The following ARHGAP11B variants were observed in gnomAD, a reference collection of about 807,000 sequenced individuals.
ARHGAP11B encodes Rho GTPase activating protein 11B.
A neutral mutation model predicts 27.6 loss-of-function variants in ARHGAP11B; 14 were observed. The ratio of observed to expected loss-of-function variants is 0.51; its 90% CI spans 0.34 to 0.79. The LOEUF is 0.79. Among genes scored for constraint, ARHGAP11B ranks in the 30% least tolerant of loss-of-function variants. The probability of loss-of-function intolerance (pLI) is 0.02; values close to 1 mark genes in which losing one functional copy is unlikely to be tolerated. For synonymous variants in ARHGAP11B, 82 were observed against 114.1 expected (o/e 0.72, Z 1.80); for missense variants, 245 against 320.1 (o/e 0.77, Z 1.79).
At chr15:30,648,571 A>G (rs1595682556) in exon 11 of ARHGAP11B, among the ~76,000 whole-genome samples, 1 of 152,046 alleles carries the variant, frequency 6.6e-6, no homozygotes, top group Non-Finnish European at 1.5e-5. Flanking sequence ...ACTACTTCAT[A>G]GATTTTTGTA....
exon 6 of ARHGAP11B, chr15:30,635,627 G>A: frequency 6.2e-7 from 1 of 1,613,498 alleles, no homozygotes; most frequent in Non-Finnish European, 8.5e-7. Flanking sequence ...AAGACAACGT[G>A]TAGGAGGTAA....
chr15:30,638,858 T>G (rs1222710982), intron 7 of ARHGAP11B, 48 bp downstream of exon 7: 2 of 1,082,358 alleles, frequency 1.8e-6, no homozygotes, highest in African/African-American at 1.7e-5. Context: ...AAATTAAAAT[T>G]TGTATAGTAT....
intron 1 of ARHGAP11B, among the ~76,000 whole-genome samples, chr15:30,629,264 G>C (rs182080290): frequency 1.4e-4 from 21 of 152,124 alleles, no homozygotes; most frequent in Admixed American, 1.3e-3. Context: ...TGGCATTTTT[G>C]TGGGTGCGAT....
exon 2 of ARHGAP11B, chr15:30,630,766 A>G: frequency 6.2e-7 from 1 of 1,610,354 alleles, no homozygotes; most frequent in Non-Finnish European, 8.5e-7. Flanking sequence ...ATATGGACAC[A>G]TTCCAAGGTA....
chr15:30,626,971 T>G, intron 1 of ARHGAP11B, 22 bp downstream of exon 1: 1 of 1,611,420 alleles, frequency 6.2e-7, no homozygotes. Context: ...GAAAAGGGAT[T>G]TAGGTTTAAA....
intron 7 of ARHGAP11B, among the ~76,000 whole-genome samples, chr15:30,641,262 A>C: frequency 6.6e-6 from 1 of 152,060 alleles, no homozygotes; most frequent in African/African-American, 2.4e-5. Flanking sequence ...TTAGATTATA[A>C]AAAATATGAT....
At chr15:30,633,349 A>C (rs1381407056) in intron 2 of ARHGAP11B, 141 bp from the exon 3 acceptor site, 1 of 637,388 alleles carries the variant, frequency 1.6e-6, no homozygotes, top group Non-Finnish European at 2.4e-6. Context: ...AACTAAAAGT[A>C]ACATTTCATC....
intron 1 of ARHGAP11B, 143 bp from the exon 2 acceptor site, chr15:30,630,560 A>G: frequency 2.1e-6 from 3 of 1,461,672 alleles, no homozygotes; most frequent in South Asian, 1.3e-5. Context: ...TGCACTTGAA[A>G]TGATTATTTT....
At chr15:30,642,036 T>A (rs2060319040) in intron 7 of ARHGAP11B, among the ~76,000 whole-genome samples, 1 of 152,056 alleles carries the variant, frequency 6.6e-6, no homozygotes. Flanking sequence ...TTAAAGTGAC[T>A]AGACTGCAGC....
intron 7 of ARHGAP11B, chr15:30,641,501 A>C (rs988012858): frequency 1.3e-5 from 2 of 151,734 alleles, no homozygotes; most frequent in Admixed American, 6.6e-5. Context: ...ACACCTGGCT[A>C]ATTTTCTTTT....
intron 2 of ARHGAP11B, among the ~76,000 whole-genome samples, chr15:30,631,583 T>C (rs2060245739): frequency 6.6e-6 from 1 of 151,938 alleles, no homozygotes; most frequent in Non-Finnish European, 1.5e-5. Flanking sequence ...CAGATGATTG[T>C]TTGACCCTAG....
rs144193684 is a variant in ARHGAP11B at position 30,633,442 on chromosome 15, T to C, written c.201-48T>C. The C allele has an allele frequency of 3.9e-4, 595 of 1,520,326 alleles. 4 individuals are homozygous for C. The African/African-American group carries it at 7.0e-3, about 18-fold the overall frequency. 94.2% of individuals were successfully genotyped at this position (1,520,326 alleles called of 1,614,324 possible). On this transcript the variant is annotated intron_variant, in intron 2 of 10. Coordinates refer to ENST00000428041, the Ensembl canonical transcript of ARHGAP11B. ...CTGCTCATGTATGTTAGCAGAGGAATAGGATGTGATATGTATGTCTAGCCA... is the reference window on the plus strand; with the variant it reads ...CTGCTCATGTATGTTAGCAGAGGAACAGGATGTGATATGTATGTCTAGCCA...
intron 6 of ARHGAP11B, among the ~76,000 whole-genome samples, chr15:30,636,073 A>G (rs1403545201): frequency 6.6e-6 from 1 of 151,186 alleles, no homozygotes; most frequent in Non-Finnish European, 1.5e-5. Flanking sequence ...GCATAAGGAT[A>G]AAGGATGGTA....
rs527316759 is a variant in ARHGAP11B, at chr15:30,642,398, G to T, written c.*79-2241G>T. Reference sequence around the variant, plus strand: ...TGTTGTACCAGTAATTATTTGCATGGAACACAGCAGCAGCCAAGGGATTAG... The same window carrying T: ...TGTTGTACCAGTAATTATTTGCATGTAACACAGCAGCAGCCAAGGGATTAG... On this transcript the variant is annotated intron_variant, in intron 7 of 10. Coordinates refer to ENST00000428041, the Ensembl canonical transcript of ARHGAP11B. 1.3e-4 allele frequency among the ~76,000 whole-genome samples: 19 copies of T among 151,906 alleles called. No homozygotes were observed. The South Asian group carries it at 3.5e-3, about 28-fold the overall frequency.
intron 7 of ARHGAP11B, among the ~76,000 whole-genome samples, chr15:30,643,009 CTG>C (rs1220936571): frequency 6.6e-6 from 1 of 151,936 alleles, no homozygotes; most frequent in Non-Finnish European, 1.5e-5. Context: ...ATTCATATGT[CTG>C]TGTAATGATG....
At chr15:30,639,971 A>AGTGTGTGTGT (rs71103435) in intron 7 of ARHGAP11B, among the ~76,000 whole-genome samples, 2,335 of 143,250 alleles carry the variant, frequency 0.016, 16 homozygotes, top group African/African-American at 0.032. Flanking sequence ...TTCAATATAG[A>AGTGTGTGTGT]GTGTGTGTGT....
chr15:30,629,673 G>A (rs1567510220), intron 1 of ARHGAP11B, among the ~76,000 whole-genome samples: 1 of 152,074 alleles, frequency 6.6e-6, no homozygotes, highest in Non-Finnish European at 1.5e-5. Context: ...GCTTGAAAGG[G>A]AATTAGTAAA....
intron 2 of ARHGAP11B, among the ~76,000 whole-genome samples, chr15:30,633,164 G>A (rs924669084): frequency 6.7e-6 from 1 of 149,940 alleles, no homozygotes. Context: ...GATTGGATAG[G>A]GGTGAGTAGA....
At chr15:30,627,057 G>C in intron 1 of ARHGAP11B, 108 bp downstream of exon 1, 2 of 1,505,456 alleles carry the variant, frequency 1.3e-6, no homozygotes, top group Non-Finnish European at 1.8e-6. Flanking sequence ...AAAAAGAATG[G>C]TTAGGTGTGT....
Sources: allele counts gnomAD v4.1 joint callset (sites outside exome capture counted in the v4.1 genomes callset), GRCh38; gene constraint gnomAD v4.1.1; transcripts MANE v1.5; gene names NCBI Gene and HGNC (gene_info 2026-07-23, HGNC 2026-07-21).